Variants in KTN1 observed in about 807,000 individuals in gnomAD.
The protein encoded by KTN1 is kinectin 1.
A neutral mutation model predicts 222.5 loss-of-function variants in KTN1; 130 were observed. The observed-to-expected ratio is 0.58, with a 90% confidence interval of 0.51 to 0.68. The LOEUF (loss-of-function observed/expected upper bound fraction) is 0.68, where lower values mean the gene tolerates loss of function less well. KTN1 is among the 30% of genes least tolerant of loss of function. The pLI, the probability that KTN1 is intolerant of heterozygous loss-of-function variation, is 0.00. For synonymous variants in KTN1, 512 were observed against 496.3 expected (o/e 1.03, Z -0.42); for missense variants, 1,508 against 1,500.4 (o/e 1.01, Z -0.08).
At chr14:55,602,633 G>A (rs185097409) in intron 1 of KTN1, among the ~76,000 whole-genome samples, 15 of 151,142 alleles carry the variant, frequency 9.9e-5, no homozygotes, top group African/African-American at 3.7e-4. Flanking sequence ...CCATGTTAGA[G>A]TGCAGAGGTG....
chr14:55,605,689 A>C (rs377180624), intron 1 of KTN1, among the ~76,000 whole-genome samples: 164 of 152,336 alleles, frequency 1.1e-3, no homozygotes, highest in Middle Eastern at 0.01. Context: ...CTTCCATTTT[A>C]CTGCCTCATT....
chr14:55,586,432 C>A (rs1267579317), intron 1 of KTN1, among the ~76,000 whole-genome samples: 2 of 152,120 alleles, frequency 1.3e-5, no homozygotes, highest in East Asian at 3.8e-4. Context: ...CATATCATAT[C>A]ATATTTAATC....
chr14:55,626,676 T>G (rs553798377), intron 5 of KTN1, among the ~76,000 whole-genome samples: 5 of 152,306 alleles, frequency 3.3e-5, no homozygotes, highest in African/African-American at 9.6e-5. Flanking sequence ...GAGCTTGGTG[T>G]TGTTGAAGGG....
Position 55,670,796 on chromosome 14 carries a change from C to T in KTN1, c.3335C>T (p.Ser1112Leu). Residue 1112 changes from serine (S) to leucine (L), a missense_variant, in exon 35 of 44, where the codon TCA becomes TTA. Transcript: ENST00000395314. The stretch of plus-strand genomic sequence containing the variant: ...GAATGTATGGCTGGAACTTCAGGGT[C>T]AGAGGAGGTTAAGGTTAGTTCAGCA... ...AKECMAGTSG[S>L]EEVKVLEHKL... The T allele has an allele frequency of 6.2e-7, 1 of 1,605,770 alleles. No individual in the cohort carries two copies.
chr14:55,593,446 C>CCCAAAA lies in KTN1; in HGVS notation c.-31+13092_-31+13093insCCAAAA, dbSNP rs1555357160. On this transcript the variant is annotated intron_variant, in intron 1 of 43. Transcript: ENST00000395314. ...TGATCAGAAATAGACACCCCCCCCC[C>CCCAAAA]AAAAAAAAAAAAAGAAAACTTGTTA... Among the ~76,000 whole-genome samples, 65 of 120,572 alleles carry CCCAAAA rather than the reference C, an allele frequency of 5.4e-4. 1 individual carries two copies. The highest frequency in any genetic ancestry group is 2.0e-3 in the African/African-American group (64 of 31,522). The allele number at this position is 120,572 out of a possible 152,430, so 79.1% of individuals were successfully genotyped here. A position where few individuals can be genotyped will look rare whatever the true frequency, so the allele number is the denominator to read the frequency against.
intron 4 of KTN1, among the ~76,000 whole-genome samples, chr14:55,618,382 C>G (rs934223924): frequency 6.6e-6 from 1 of 152,078 alleles, no homozygotes; most frequent in Non-Finnish European, 1.5e-5. Context: ...CTACTACTGT[C>G]TCCTGTGAGG....
chr14:55,647,992 G>C (rs771699809), intron 19 of KTN1, 33 bp from the exon 20 acceptor site: 4 of 828,170 alleles, frequency 4.8e-6, no homozygotes, highest in Middle Eastern at 2.6e-4. Flanking sequence ...TTGAAAAATA[G>C]TTAATACATG....
intron 29 of KTN1, 52 bp from the exon 30 acceptor site, chr14:55,658,494 T>G: frequency 1.9e-6 from 2 of 1,052,064 alleles, no homozygotes; most frequent in Non-Finnish European, 3.0e-6. Flanking sequence ...TGATCTAAGT[T>G]TATGTGGAAA....
chr14:55,584,635 G>A (rs574177720), intron 1 of KTN1, among the ~76,000 whole-genome samples: 9 of 152,144 alleles, frequency 5.9e-5, no homozygotes, highest in African/African-American at 2.2e-4. Flanking sequence ...ACCTTGCTCC[G>A]TTTTCTTTAT....
chr14:55,621,138 C>T (rs1389042839), intron 5 of KTN1, among the ~76,000 whole-genome samples: 2 of 152,150 alleles, frequency 1.3e-5, no homozygotes, highest in African/African-American at 4.8e-5. Flanking sequence ...GTCGCCTTTA[C>T]TCCATTTCCC....
At chr14:55,641,027 T>G (rs2041747421) in intron 16 of KTN1, 57 bp downstream of exon 16, 1 of 1,508,848 alleles carries the variant, frequency 6.6e-7, no homozygotes. Context: ...TTATAATTGT[T>G]GCAGAAAATA....
At chr14:55,654,538 ATTTT>A (rs143099004) in intron 28 of KTN1, among the ~76,000 whole-genome samples, 1 of 140,908 alleles carries the variant, frequency 7.1e-6, no homozygotes. Flanking sequence ...TCTGCCTTAC[ATTTT>A]TTTTTTTTTT....
intron 30 of KTN1, among the ~76,000 whole-genome samples, 189 bp downstream of exon 30, chr14:55,658,803 G>T (rs1320677178): frequency 2.6e-5 from 4 of 152,144 alleles, no homozygotes; most frequent in African/African-American, 7.2e-5. Context: ...AATCTATAAA[G>T]TATACACAAA....
chr14:55,601,558 G>A (rs1194087498), intron 1 of KTN1, among the ~76,000 whole-genome samples: 4 of 152,018 alleles, frequency 2.6e-5, no homozygotes, highest in East Asian at 1.9e-4. Flanking sequence ...TTTGATGGCC[G>A]TTTCAGGAAA....
intron 18 of KTN1, among the ~76,000 whole-genome samples, chr14:55,642,745 A>G (rs1409826823): frequency 6.6e-6 from 1 of 152,164 alleles, no homozygotes; most frequent in Non-Finnish European, 1.5e-5. Flanking sequence ...TTAACTTGTC[A>G]AGAAATAATC....
At position 55,612,462 on chromosome 14, in the gene KTN1, T is replaced by G; in HGVS notation, c.414T>G (p.Ile138Met). Residue 138 changes from isoleucine (I) to methionine (M), a missense_variant, in exon 2 of 44, where the codon ATT becomes ATG. By Grantham distance (10) the Ile-to-Met change is conservative (BLOSUM62 1). Coordinates refer to ENST00000395314, the MANE Select transcript of KTN1 (RefSeq NM_001079521.2). ...QVIKESDASK[I>M]PGKKVEPVPV... Reference sequence around the variant, plus strand: ...TCAAAGAAAGTGACGCATCAAAGATTCCTGGCAAAAAAGTAGAACCTGTCC... The same window carrying G: ...TCAAAGAAAGTGACGCATCAAAGATGCCTGGCAAAAAAGTAGAACCTGTCC... The G allele has an allele frequency of 6.2e-7, 1 of 1,614,104 alleles. No homozygotes were observed. The highest frequency in any genetic ancestry group is 8.5e-7 in the Non-Finnish European group (1 of 1,180,000).
At chr14:55,608,666 C>G (rs2037103306) in intron 1 of KTN1, among the ~76,000 whole-genome samples, 1 of 151,110 alleles carries the variant, frequency 6.6e-6, no homozygotes, top group African/African-American at 2.4e-5. Context: ...CCCTGTTGCC[C>G]AGGCTGGAGT....
intron 5 of KTN1, among the ~76,000 whole-genome samples, chr14:55,624,590 A>G (rs775985401): frequency 6.6e-6 from 1 of 152,344 alleles, no homozygotes; most frequent in East Asian, 1.9e-4. Context: ...TGATTGAGGA[A>G]GATAATCCAC....
intron 37 of KTN1, 192 bp downstream of exon 37, chr14:55,672,069 C>G (rs1158391652): frequency 1.9e-6 from 1 of 534,868 alleles, no homozygotes; most frequent in East Asian, 3.1e-5. Context: ...GTTTGAAAAT[C>G]ACTGGTTTTA....
Sources: allele counts gnomAD v4.1 joint callset (sites outside exome capture counted in the v4.1 genomes callset), GRCh38; gene constraint gnomAD v4.1.1; transcripts MANE v1.5; gene names NCBI Gene and HGNC (gene_info 2026-07-23, HGNC 2026-07-21).